The following TNS1 variants were observed in gnomAD, a reference collection of about 807,000 sequenced individuals.
TNS1 encodes the protein tensin 1.
In TNS1, 62 loss-of-function variants were observed where a neutral mutation model predicts 168.6. That is an observed-to-expected ratio of 0.37 (90% CI 0.30 to 0.45). TNS1 has a LOEUF of 0.45. TNS1 is among the 20% of genes least tolerant of loss of function. The pLI is 1.00. For missense variants in TNS1, 2,240 were observed against 2,339.4 expected (o/e 0.96, Z 0.88); for synonymous variants, 934 against 933.2 (o/e 1.00, Z -0.02).
chr2:217,890,627 G>A (rs1039565731), intron 12 of TNS1: 3 of 356,338 alleles, frequency 8.4e-6, no homozygotes, highest in African/African-American at 4.1e-5. Flanking sequence ...AAGCACTGAA[G>A]CAATCCTGCT....
chr2:218,022,579 G>A (rs1446165021), intron 1 of TNS1, among the ~76,000 whole-genome samples: 1 of 152,028 alleles, frequency 6.6e-6, no homozygotes, highest in East Asian at 1.9e-4. Flanking sequence ...TTGTCCCCCT[G>A]CCTGGCCTTG....
At chr2:217,882,950 C>T (rs1950821348) in intron 16 of TNS1, among the ~76,000 whole-genome samples, 1 of 152,162 alleles carries the variant, frequency 6.6e-6, no homozygotes. Context: ...TGCAAGCCAC[C>T]ACGCCCGGCT....
In TNS1 at chr2:217,848,324, G is replaced by C. The variant is rs759875832; in HGVS notation, c.2193C>G (p.Thr731=). ...PHPAWPQPVT[T]SHYAHDPSGM... ...CGCTGGGGTCATGGGCATAGTGGGAGGTGGTCACTGGCTGTGGCCAGGCTG... is the reference window on the plus strand; with the variant it reads ...CGCTGGGGTCATGGGCATAGTGGGACGTGGTCACTGGCTGTGGCCAGGCTG... Residue 731 remains threonine, a synonymous_variant, in exon 19 of 33, where the codon ACC becomes ACG. Transcript: ENST00000682258. 1 of 1,536,886 alleles carries C rather than the reference G, an allele frequency of 6.5e-7. No individual in the cohort carries two copies. Among genetic ancestry groups the C allele is most frequent in the Admixed American group, 2.0e-5 (1 of 49,860 alleles).
At chr2:217,830,646 G>C (rs1944284284) in intron 22 of TNS1, among the ~76,000 whole-genome samples, 1 of 152,244 alleles carries the variant, frequency 6.6e-6, no homozygotes, top group Admixed American at 6.5e-5. Context: ...CGTGCCAACA[G>C]GACAGGCTGT....
At chr2:217,937,517 G>A (rs1956682564) in intron 3 of TNS1, among the ~76,000 whole-genome samples, 1 of 152,076 alleles carries the variant, frequency 6.6e-6, no homozygotes, top group Non-Finnish European at 1.5e-5. Context: ...AACCAGCTCT[G>A]CCATTTCTGG....
intron 32 of TNS1, among the ~76,000 whole-genome samples, chr2:217,805,498 C>T (rs930598739): frequency 2.7e-5 from 1 of 37,322 alleles, no homozygotes; most frequent in African/African-American, 1.2e-4. Flanking sequence ...ACACACACCA[C>T]ACACACCACC....
chr2:217,877,142 C>T (rs1266193568), intron 18 of TNS1, among the ~76,000 whole-genome samples: 1 of 151,962 alleles, frequency 6.6e-6, no homozygotes, highest in Non-Finnish European at 1.5e-5. Context: ...CCTCCTGGCC[C>T]AGGAGCAGGT....
At chr2:217,980,506 C>CAGAG (rs3842558) in intron 2 of TNS1, among the ~76,000 whole-genome samples, 3,492 of 117,548 alleles carry the variant, frequency 0.03, 56 homozygotes, top group East Asian at 0.044. Flanking sequence ...TACACACACA[C>CAGAG]AGAGAGAGAG....
Position 217,814,931 on chromosome 2 carries a change from A to G in TNS1, c.4710T>C (p.Pro1570=). The G allele has an allele frequency of 6.2e-7, 1 of 1,613,362 alleles. No individual in the cohort carries two copies. Among genetic ancestry groups the G allele is most frequent in the Non-Finnish European group, 8.5e-7 (1 of 1,179,696 alleles). Residue 1570 remains proline (P), a synonymous_variant, in exon 25 of 33, where the codon CCT becomes CCC. Transcript: ENST00000682258. The part of the protein sequence containing the change: ...VQDTSKYWYK[P]EISREQAIAL... ...ACTCACCCTGCTCCCTGGAGATCTC[A>G]GGCTTGTACCAATACTTAGAAGTGT... is the stretch of plus-strand genomic sequence containing the variant.
intron 3 of TNS1, among the ~76,000 whole-genome samples, chr2:217,965,952 T>C (rs1354764626): frequency 6.6e-6 from 1 of 151,832 alleles, no homozygotes; most frequent in Non-Finnish European, 1.5e-5. Flanking sequence ...TGGTCTTTGT[T>C]CCCTCTAGCG....
At chr2:217,863,429 C>T (rs1948977905) in intron 18 of TNS1, among the ~76,000 whole-genome samples, 1 of 152,156 alleles carries the variant, frequency 6.6e-6, no homozygotes, top group Admixed American at 6.5e-5. Flanking sequence ...TCCTACAATA[C>T]ACAGGACAGA....
chr2:217,879,996 C>A (rs1318340449), intron 18 of TNS1, among the ~76,000 whole-genome samples: 1 of 152,186 alleles, frequency 6.6e-6, no homozygotes, highest in African/African-American at 2.4e-5. Context: ...GGGTCTCAGT[C>A]ACCCCAACTG....
At chr2:217,928,748 C>A (rs910107534) in intron 3 of TNS1, among the ~76,000 whole-genome samples, 1 of 152,152 alleles carries the variant, frequency 6.6e-6, no homozygotes, top group Admixed American at 6.5e-5. Flanking sequence ...TCAACCTATC[C>A]CCAAAGCTCC....
chr2:217,809,662 T>G (rs1940448584), intron 30 of TNS1, 161 bp downstream of exon 30: 1 of 702,414 alleles, frequency 1.4e-6, no homozygotes, highest in African/African-American at 1.8e-5. Flanking sequence ...GATGGATAAG[T>G]AGCTGGGTAG....
At chr2:217,903,068 A>G (rs1953208566) in intron 6 of TNS1, among the ~76,000 whole-genome samples, 1 of 152,202 alleles carries the variant, frequency 6.6e-6, no homozygotes, top group South Asian at 2.1e-4. Context: ...CTTTGGAAGC[A>G]TGCCTCATCA....
intron 3 of TNS1, among the ~76,000 whole-genome samples, chr2:217,941,590 C>T (rs991109529): frequency 6.6e-6 from 1 of 152,180 alleles, no homozygotes; most frequent in African/African-American, 2.4e-5. Context: ...GACACAGCTT[C>T]CTGATCCCCC....
At chr2:217,983,502 G>T (rs1958109725) in intron 2 of TNS1, among the ~76,000 whole-genome samples, 2 of 152,142 alleles carry the variant, frequency 1.3e-5, no homozygotes, top group African/African-American at 2.4e-5. Flanking sequence ...AGATTACTCT[G>T]CTGGGGTGAA....
chr2:218,020,271 C>T (rs890618717), intron 1 of TNS1, among the ~76,000 whole-genome samples: 3 of 151,984 alleles, frequency 2.0e-5, no homozygotes, highest in Admixed American at 1.3e-4. Flanking sequence ...AGGCCCAATA[C>T]GCCAGCCCCT....
intron 3 of TNS1, among the ~76,000 whole-genome samples, chr2:217,942,342 A>G (rs1244696139): frequency 6.6e-6 from 1 of 152,034 alleles, no homozygotes; most frequent in Non-Finnish European, 1.5e-5. Context: ...CCTGCCCTCC[A>G]TGGGCAGCAG....
Sources: gnomAD v4.1 joint callset for allele counts (sites outside exome capture counted in the v4.1 genomes callset) on GRCh38, gnomAD v4.1.1 for gene constraint, MANE v1.5 for transcripts, NCBI Gene and HGNC (gene_info 2026-07-23, HGNC 2026-07-21) for gene names.